The following RPS3 variants were observed in gnomAD, a reference collection of about 807,000 sequenced individuals.
RPS3 encodes ribosomal protein S3, also known as small ribosomal subunit protein uS3.
A neutral mutation model predicts 25.8 loss-of-function variants in RPS3; 2 were observed. The ratio of observed to expected loss-of-function variants is 0.08; its 90% CI spans 0.03 to 0.24. The LOEUF is 0.24. Ranked by LOEUF, RPS3 falls within the 10% of genes least tolerant of loss-of-function variation. The pLI is 1.00. For missense variants in RPS3, 107 were observed against 307.1 expected, an observed-to-expected ratio of 0.35 and a Z score of 4.87; for synonymous variants, 114 against 114.2, an observed-to-expected ratio of 1.00 and a Z score of 0.01.
At chr11:75,413,629 A>T (rs929783252) in intron 6 of RPS3, among the ~76,000 whole-genome samples, 7 of 152,162 alleles carry the variant, frequency 4.6e-5, no homozygotes, top group African/African-American at 1.7e-4. Context: ...CTTTTCCCAG[A>T]TGCTATTACC....
chr11:75,402,097 T>A, intron 3 of RPS3: 1 of 566,328 alleles, frequency 1.8e-6, no homozygotes, highest in East Asian at 2.9e-5. Flanking sequence ...ATGATGGTGG[T>A]GTCCGATCTT....
exon 7 of RPS3, chr11:75,421,764 G>C (rs1382409470): frequency 6.6e-6 from 1 of 152,240 alleles, no homozygotes; most frequent in Admixed American, 6.5e-5. Flanking sequence ...CTTGTCTCCA[G>C]CTCCTAGCAG....
Position 75,404,548 on chromosome 11 carries a change from A to C in RPS3, c.539-124A>C, listed in dbSNP as rs1183486603. On this transcript the variant is annotated intron_variant, in intron 5 of 6. Transcript: ENST00000531188. The surrounding 1 kb of genome is among the most constrained non-coding windows in gnomAD (Gnocchi z 4.6). Reference sequence around the variant, plus strand: ...GTGTCCTATTTATTGATCGATTTAGAGGCATTTGTCTGAGAAGGGTCCAGA... The same window carrying C: ...GTGTCCTATTTATTGATCGATTTAGCGGCATTTGTCTGAGAAGGGTCCAGA... 1.1e-6 allele frequency: 1 copy of C among 914,134 alleles called. No individual in the cohort carries two copies. Among genetic ancestry groups the C allele is most frequent in the Admixed American group, 1.7e-5 (1 of 59,072 alleles). The allele number at this position is 914,134 out of a possible 1,614,324, so 56.6% of individuals were successfully genotyped here.
In RPS3 at chr11:75,405,961, T is replaced by G. The variant is rs984787842; in HGVS notation, c.*351T>G. On this transcript the variant is annotated 3_prime_UTR_variant, in exon 7 of 7. Transcript: ENST00000531188. ...TTTCCTATGCATAAGGCGATCCACG[T>G]TGCACATAGAAAGTGAATATAAATG... is the stretch of plus-strand genomic sequence containing the variant. 1 of 175,402 alleles carries G rather than the reference T, an allele frequency of 5.7e-6. No homozygotes were observed. The highest frequency in any genetic ancestry group is 1.2e-5 in the Non-Finnish European group (1 of 82,150). The allele number at this position is 175,402 out of a possible 1,614,324, so 10.9% of individuals were successfully genotyped here.
chr11:75,408,640 C>T (rs1436180644), downstream of RPS3, among the ~76,000 whole-genome samples: 1 of 151,842 alleles, frequency 6.6e-6, no homozygotes, highest in Non-Finnish European at 1.5e-5. Context: ...TGCAGTAGCA[C>T]AATCTCAGCT....
chr11:75,407,260 TC>T (rs1349096930), downstream of RPS3, among the ~76,000 whole-genome samples: 1 of 152,050 alleles, frequency 6.6e-6, no homozygotes, highest in Non-Finnish European at 1.5e-5. Context: ...AGCCTCAGCC[TC>T]CCGCTAGCTG....
At position 75,416,460 on chromosome 11, in the gene RPS3, A is replaced by ATTTT. The variant is rs1180090052; in HGVS notation, c.*4-5252_*4-5249dup. Among the ~76,000 whole-genome samples, 448 of 132,794 alleles carry ATTTT rather than the reference A, an allele frequency of 3.4e-3. 6 individuals carry two copies. The highest frequency in any genetic ancestry group is 0.012 in the African/African-American group (419 of 34,848). The allele number at this position is 132,794 out of a possible 152,430, so 87.1% of individuals were successfully genotyped here. A position where few individuals can be genotyped will look rare whatever the true frequency, so the allele number is the denominator to read the frequency against. On this transcript the variant is annotated intron_variant, in intron 6 of 6. Coordinates refer to the RPS3 transcript ENST00000527446. ...TCCATTTTCCATCTTGATTATTTCT[A>ATTTT]TTTTTTTTTTTTTTTTTTGAGACAA...
Position 75,404,453 on chromosome 11 carries a change from G to T in RPS3, c.539-219G>T. 1 of 790,886 alleles carries T rather than the reference G, an allele frequency of 1.3e-6. No homozygotes were observed. Among genetic ancestry groups the T allele is most frequent in the Non-Finnish European group, 2.3e-6 (1 of 434,444 alleles). The allele number at this position is 790,886 out of a possible 1,614,324, so 49.0% of individuals were successfully genotyped here. On this transcript the variant is annotated intron_variant, in intron 5 of 6. Transcript: ENST00000531188. This position sits in a 1 kb window ranked among gnomAD's most constrained non-coding sequence, Gnocchi z 4.6. ...GATGACACGATGACGAGTCAGAAAG[G>T]TCACGTCCTGCTCTTGGTCCTTGTC...
At chr11:75,412,405 G>A (rs1321323176) in intron 6 of RPS3, among the ~76,000 whole-genome samples, 1 of 152,190 alleles carries the variant, frequency 6.6e-6, no homozygotes, top group Non-Finnish European at 1.5e-5. Flanking sequence ...CACAGTGGGG[G>A]CTTGATGAAT....
intron 6 of RPS3, among the ~76,000 whole-genome samples, chr11:75,420,161 T>G (rs1948431474): frequency 6.6e-6 from 1 of 152,208 alleles, no homozygotes. Flanking sequence ...AGCAGGTCCC[T>G]CTCTTTCATT....
downstream of RPS3, among the ~76,000 whole-genome samples, chr11:75,409,261 T>C (rs1462118406): frequency 6.9e-6 from 1 of 144,952 alleles, no homozygotes; most frequent in African/African-American, 2.5e-5. Context: ...CATAGGACAA[T>C]AGTGGAGGGA....
At chr11:75,420,268 C>G (rs1305716649) in intron 6 of RPS3, among the ~76,000 whole-genome samples, 1 of 152,200 alleles carries the variant, frequency 6.6e-6, no homozygotes, top group Non-Finnish European at 1.5e-5. Flanking sequence ...CTTAGCACAC[C>G]TGGGGTGTCA....
chr11:75,404,397 C>G lies in RPS3; in HGVS notation c.538+190C>G. The G allele has an allele frequency of 1.3e-6, 1 of 796,578 alleles. No homozygotes were observed. Among genetic ancestry groups the G allele is most frequent in the East Asian group, 2.5e-5 (1 of 40,740 alleles). The allele number at this position is 796,578 out of a possible 1,614,324, so 49.3% of individuals were successfully genotyped here. On this transcript the variant is annotated intron_variant, in intron 5 of 6. Coordinates refer to ENST00000531188, the MANE Select transcript of RPS3 (RefSeq NM_001005.5). The surrounding 1 kb of genome is among the most constrained non-coding windows in gnomAD (Gnocchi z 4.6). ...CTGTCAGATCCAAGAGTTGGTTTGT[C>G]CTTGTTTTAGCCATCTGTGTACCCT...
At chr11:75,399,798 C>T (rs1260839257) in intron 1 of RPS3, 15 of 563,850 alleles carry the variant, frequency 2.7e-5, no homozygotes, top group South Asian at 4.5e-5. Context: ...GAGATGGGCA[C>T]CAGGCGCCCC....
chr11:75,408,837 A>C (rs936330645), downstream of RPS3, among the ~76,000 whole-genome samples: 2 of 152,164 alleles, frequency 1.3e-5, no homozygotes, highest in African/African-American at 4.8e-5. Context: ...TACCCAGCCT[A>C]CTCTTCTACA....
chr11:75,400,626 A>G (rs1430682604), intron 1 of RPS3, 68 bp from the exon 2 acceptor site: 24 of 1,591,486 alleles, frequency 1.5e-5, no homozygotes, highest in Non-Finnish European at 2.0e-5. Flanking sequence ...TAATAAGACT[A>G]GACTGGCTCA....
chr11:75,410,376 A>G (rs1436138014), downstream of RPS3, among the ~76,000 whole-genome samples: 2 of 150,620 alleles, frequency 1.3e-5, no homozygotes, highest in Admixed American at 1.3e-4. Flanking sequence ...GGTGCTCCCC[A>G]CATCTCAGAC....
chr11:75,412,025 A>G (rs1407313740), intron 6 of RPS3, among the ~76,000 whole-genome samples: 1 of 152,208 alleles, frequency 6.6e-6, no homozygotes, highest in African/African-American at 2.4e-5. Context: ...CCCCACCCTC[A>G]GGACTGCAAA....
At chr11:75,418,495 T>TA (rs1234486702) in intron 6 of RPS3, among the ~76,000 whole-genome samples, 1 of 152,052 alleles carries the variant, frequency 6.6e-6, no homozygotes, top group African/African-American at 2.4e-5. Context: ...AAAAAAAAGG[T>TA]AAAAAAATTT....
Sources: allele counts gnomAD v4.1 joint callset (sites outside exome capture counted in the v4.1 genomes callset), GRCh38; gene constraint gnomAD v4.1.1; non-coding constraint Gnocchi (gnomAD v3.1); transcripts MANE v1.5; gene names NCBI Gene and HGNC (gene_info 2026-07-23, HGNC 2026-07-21).